The following CATSPERG variants were observed in gnomAD, a reference collection of about 807,000 sequenced individuals.
CATSPERG encodes catsper channel auxiliary subunit gamma, also known as cation channel sperm-associated auxiliary subunit gamma.
CATSPERG carries 115 observed loss-of-function variants against 145.0 expected under a neutral mutation model. The ratio of observed to expected loss-of-function variants is 0.79; its 90% CI spans 0.68 to 0.93. The LOEUF is 0.93. CATSPERG is among the 40% of genes least tolerant of loss of function. CATSPERG has a pLI of 0.00. For synonymous variants in CATSPERG, 588 were observed against 589.0 expected (o/e 1.00, Z 0.02); for missense variants, 1,296 against 1,490.1 (o/e 0.87, Z 2.14).
At chr19:38,365,715 TG>T (rs1205111285) in intron 22 of CATSPERG, 1 of 151,704 alleles carries the variant, frequency 6.6e-6, no homozygotes, top group African/African-American at 2.4e-5. Context: ...TTTTGTTTTT[TG>T]TTTTTTTTTT....
chr19:38,367,421 C>A, intron 23 of CATSPERG, 88 bp from the exon 24 acceptor site: 3 of 1,552,902 alleles, frequency 1.9e-6, no homozygotes, highest in Non-Finnish European at 1.8e-6. Context: ...CTTTTTCCTG[C>A]GGCATCTCAC....
Position 38,360,385 on chromosome 19 carries a change from C to G in CATSPERG, c.1609-104C>G, listed in dbSNP as rs1486485282. On this transcript the variant is annotated intron_variant, in intron 14 of 28. Coordinates refer to ENST00000409235, the MANE Select transcript of CATSPERG (RefSeq NM_021185.5). Reference sequence around the variant, plus strand: ...GTCCCAGTGGAGGTGAGTTTCCAAACTTCATCCCTCAAACAATGGGGCCAC... The same window carrying G: ...GTCCCAGTGGAGGTGAGTTTCCAAAGTTCATCCCTCAAACAATGGGGCCAC... The G allele has an allele frequency of 2.6e-6, 4 of 1,526,032 alleles. No individual in the cohort carries two copies. The Admixed American group carries it at 8.0e-5, about 30-fold the overall frequency. The allele number at this position is 1,526,032 out of a possible 1,614,324, so 94.5% of individuals were successfully genotyped here. A position where few individuals can be genotyped will look rare whatever the true frequency, so the allele number is the denominator to read the frequency against.
At chr19:38,340,834 G>T (rs1313534238) in intron 3 of CATSPERG, among the ~76,000 whole-genome samples, 1 of 149,816 alleles carries the variant, frequency 6.7e-6, no homozygotes, top group South Asian at 2.1e-4. Context: ...TGGCATGAAA[G>T]AATTTCTGAG....
chr19:38,345,481 CTG>C (rs1396070050), intron 6 of CATSPERG, among the ~76,000 whole-genome samples: 2 of 151,508 alleles, frequency 1.3e-5, no homozygotes, highest in African/African-American at 4.9e-5. Flanking sequence ...GCGTGAGCCA[CTG>C]TGCCCGGCCC....
chr19:38,341,933 C>T (rs760902511), intron 3 of CATSPERG, among the ~76,000 whole-genome samples: 57 of 151,480 alleles, frequency 3.8e-4, no homozygotes, highest in Non-Finnish European at 7.7e-4. Context: ...AAAAATTAGC[C>T]AGGCGTGGTA....
At chr19:38,363,202 C>A (rs1970384206) in intron 20 of CATSPERG, among the ~76,000 whole-genome samples, 1 of 152,002 alleles carries the variant, frequency 6.6e-6, no homozygotes, top group East Asian at 1.9e-4. Flanking sequence ...CTACACCCAG[C>A]TAATTTTTTG....
chr19:38,353,457 G>A (rs1006589904), intron 8 of CATSPERG, among the ~76,000 whole-genome samples: 1 of 152,044 alleles, frequency 6.6e-6, no homozygotes, highest in Non-Finnish European at 1.5e-5. Flanking sequence ...GGGAGGCTGA[G>A]GCAGGTAGAT....
At position 38,352,267 on chromosome 19, in the gene CATSPERG, A is replaced by G. The variant is rs1289115529; in HGVS notation, c.832A>G (p.Ile278Val). Residue 278 changes from isoleucine (I) to valine (V), a missense_variant, in exon 8 of 29, where the codon ATT becomes GTT. By Grantham distance (29) the Ile-to-Val change is conservative. Coordinates refer to ENST00000409235, the MANE Select transcript of CATSPERG (RefSeq NM_021185.5). ...AGCCTCTGCTCCCCTGCAGCTGAGCATTGACAGTTGCTGGGTGGGCTCCTT... is the reference window on the plus strand; with the variant it reads ...AGCCTCTGCTCCCCTGCAGCTGAGCGTTGACAGTTGCTGGGTGGGCTCCTT... ...FKDFSLVELS[I>V]DSCWVGSFYC... 2 of 1,551,446 alleles carry G rather than the reference A, an allele frequency of 1.3e-6. No homozygotes were observed. The highest frequency in any genetic ancestry group is 3.9e-5 in the Admixed American group (2 of 51,004).
intron 8 of CATSPERG, among the ~76,000 whole-genome samples, chr19:38,352,861 C>G (rs1320580985): frequency 6.6e-6 from 1 of 151,114 alleles, no homozygotes; most frequent in East Asian, 1.9e-4. Flanking sequence ...TCAAGGGAAA[C>G]TCATTGGAGA....
intron 7 of CATSPERG, among the ~76,000 whole-genome samples, chr19:38,350,984 A>G (rs1034299203): frequency 2.6e-5 from 4 of 152,002 alleles, no homozygotes; most frequent in Non-Finnish European, 4.4e-5. Context: ...GTGAGATCCT[A>G]TCTCAAAAAA....
intron 13 of CATSPERG, 58 bp downstream of exon 13, chr19:38,358,619 C>A: frequency 2.5e-6 from 4 of 1,601,134 alleles, no homozygotes; most frequent in Non-Finnish European, 8.5e-7. Flanking sequence ...AGCAACTTTA[C>A]GGTGGGGACC....
chr19:38,370,064 G>A lies in CATSPERG; in HGVS notation c.3113G>A (p.Arg1038Lys). ...TTCTTCAAGGTGTTGGTGAGCAATA[G>A]GTGAGCCAGGCAAGTGGCCCAGGTG... ...EFFFKVLVSN[R>K]GVDTSTYCNY... The change falls in exon 27 of 29, where the codon AGA becomes AAA. Residue 1038 changes from arginine (R) to lysine (K), a missense_variant and splice_region_variant. By Grantham distance (26) the Arg-to-Lys change is conservative. Coordinates refer to ENST00000409235, the MANE Select transcript of CATSPERG (RefSeq NM_021185.5). 1 of 1,614,142 alleles carries A rather than the reference G, an allele frequency of 6.2e-7. No homozygotes were observed. Among genetic ancestry groups the A allele is most frequent in the South Asian group, 1.1e-5 (1 of 91,070 alleles).
At position 38,361,754 on chromosome 19, in the gene CATSPERG, C is replaced by G; in HGVS notation, c.1987C>G (p.Arg663Gly). ...RYTRQERYRA[R>G]PPRVLERSGF... Reference sequence around the variant, plus strand: ...CACGCGCCAGGAGCGCTACCGGGCGCGGCCGCCGCGCGTCCTGGAGCGCTC... The same window carrying G: ...CACGCGCCAGGAGCGCTACCGGGCGGGGCCGCCGCGCGTCCTGGAGCGCTC... Residue 663 changes from arginine to glycine, a missense_variant, in exon 17 of 29, where the codon CGG (arginine) becomes GGG (glycine). Transcript: ENST00000409235. The G allele has an allele frequency of 6.2e-7, 1 of 1,611,274 alleles. No individual in the cohort carries two copies.
At position 38,358,470 on chromosome 19, in the gene CATSPERG, T is replaced by G. The variant is rs996872931; in HGVS notation, c.1405T>G (p.Ser469Ala). Reference sequence around the variant, plus strand: ...GTTCCTGATGATCCTAGGGACAGAGTCCTACACCAGCACTGCAATGGCCCC... The same window carrying G: ...GTTCCTGATGATCCTAGGGACAGAGGCCTACACCAGCACTGCAATGGCCCC... Reference protein sequence around the residue: ...LEFLMILGTESYTSTAMAPKG... With the variant: ...LEFLMILGTEAYTSTAMAPKG... The change falls in exon 13 of 29, where the codon TCC (serine) becomes GCC (alanine). Residue 469 changes from serine to alanine, a missense_variant. Physicochemically the swap from Ser to Ala is moderately conservative, Grantham distance 99 (BLOSUM62 1). Coordinates refer to ENST00000409235, the MANE Select transcript of CATSPERG (RefSeq NM_021185.5). The G allele has an allele frequency of 4.3e-6, 7 of 1,613,988 alleles. No homozygotes were observed. The highest frequency in any genetic ancestry group is 5.9e-6 in the Non-Finnish European group (7 of 1,179,984).
rs1250550291 is a variant in CATSPERG, at chr19:38,348,479, T to G, written c.825+1874T>G. ...CACAAACTTCGTTTTTTTTTTTTGT[T>G]TTTTTTTTTTTGAGATGGAATTTCA... On this transcript the variant is annotated intron_variant, in intron 7 of 28. Transcript: ENST00000409235. Among the ~76,000 whole-genome samples, 7 of 102,560 alleles carry G rather than the reference T, an allele frequency of 6.8e-5. No homozygotes were observed. In the East Asian group the frequency reaches 2.7e-3, roughly 40 times the overall value. The allele number at this position is 102,560 out of a possible 152,430, so 67.3% of individuals were successfully genotyped here.
Position 38,337,793 on chromosome 19 carries a change from A to G in CATSPERG, c.324+147A>G, listed in dbSNP as rs1361271415. 1.3e-5 allele frequency: 9 copies of G among 672,226 alleles called. No individual in the cohort carries two copies. In the East Asian group the frequency reaches 1.5e-4, roughly 11 times the overall value. 41.6% of individuals were successfully genotyped at this position (672,226 alleles called of 1,614,324 possible). On this transcript the variant is annotated intron_variant, in intron 3 of 28. Transcript: ENST00000409235. ...GAGTGCAGTGGCGCGATCTCGGCTC[A>G]CTGCAACCTCCGCCTCCCGTGTTCA...
At chr19:38,354,465 T>C (rs1240313103) in intron 8 of CATSPERG, among the ~76,000 whole-genome samples, 2 of 152,198 alleles carry the variant, frequency 1.3e-5, no homozygotes, top group Non-Finnish European at 2.9e-5. Context: ...TGCTAATCAT[T>C]GTGGCCTAGG....
intron 6 of CATSPERG, 78 bp from the exon 7 acceptor site, chr19:38,346,372 C>G (rs1970041885): frequency 1.5e-6 from 2 of 1,375,336 alleles, no homozygotes; most frequent in Non-Finnish European, 2.0e-6. Context: ...GGGTCCAGGT[C>G]AGGCCTTGGA....
intron 8 of CATSPERG, among the ~76,000 whole-genome samples, chr19:38,353,461 GGTA>G (rs1252196655): frequency 5.9e-5 from 9 of 152,184 alleles, no homozygotes; most frequent in Middle Eastern, 3.4e-3. Flanking sequence ...GGCTGAGGCA[GGTA>G]GATCACATGG....
Sources: gnomAD v4.1 joint callset for allele counts (sites outside exome capture counted in the v4.1 genomes callset) on GRCh38, gnomAD v4.1.1 for gene constraint, MANE v1.5 for transcripts, NCBI Gene and HGNC (gene_info 2026-07-23, HGNC 2026-07-21) for gene names.